Variants in DLGAP1 observed in about 807,000 individuals in gnomAD.
The protein encoded by DLGAP1 is disks large-associated protein 1.
In DLGAP1, 11 loss-of-function variants were observed where a neutral mutation model predicts 90.8. The ratio of observed to expected loss-of-function variants is 0.12; its 90% CI spans 0.08 to 0.20. The LOEUF (loss-of-function observed/expected upper bound fraction) is 0.20, where lower values mean the gene tolerates loss of function less well. Ranked by LOEUF, DLGAP1 falls within the 10% of genes least tolerant of loss-of-function variation. The pLI, the probability that DLGAP1 is intolerant of heterozygous loss-of-function variation, is 1.00. For synonymous variants in DLGAP1, 558 were observed against 540.7 expected (o/e 1.03, Z -0.44); for missense variants, 1,050 against 1,333.8 (o/e 0.79, Z 3.31).
chr18:3,524,974 CT>C (rs1353859123), intron 10 of DLGAP1, among the ~76,000 whole-genome samples: 1 of 151,780 alleles, frequency 6.6e-6, no homozygotes, highest in Non-Finnish European at 1.5e-5. Context: ...CACAACAGTG[CT>C]TTTTTTGTTT....
rs149471787 is a variant in DLGAP1 at position 4,375,414 on chromosome 18, A to T, written c.-267+79592T>A. Among the ~76,000 whole-genome samples the T allele has an allele frequency of 2.3e-3, 346 of 152,252 alleles. 1 individual carries two copies. The highest frequency in any genetic ancestry group is 8.1e-3 in the African/African-American group (338 of 41,580). On this transcript the variant is annotated intron_variant, in intron 1 of 12. Coordinates refer to ENST00000315677, the MANE Select transcript of DLGAP1 (RefSeq NM_004746.4). ...TTAGCATTCAATTATATATTAAGCA[A>T]CCAAACATATTCTGTCTTTTATTTG...
intron 1 of DLGAP1, among the ~76,000 whole-genome samples, chr18:4,344,588 C>T (rs2081268405): frequency 6.6e-6 from 1 of 152,148 alleles, no homozygotes; most frequent in South Asian, 2.1e-4. Context: ...GGCTACAAAG[C>T]TTTTAAAATA....
At chr18:4,157,048 T>A (rs974779991) in intron 1 of DLGAP1, among the ~76,000 whole-genome samples, 2 of 152,148 alleles carry the variant, frequency 1.3e-5, no homozygotes, top group African/African-American at 4.8e-5. Context: ...CTAGAAACCA[T>A]CTATGTTTAA....
chr18:3,625,760 A>G lies in DLGAP1; in HGVS notation c.1592-43512T>C, dbSNP rs532976876. 1.1e-4 allele frequency among the ~76,000 whole-genome samples: 16 copies of G among 152,314 alleles called. No homozygotes were observed. The East Asian group carries it at 3.1e-3, about 29-fold the overall frequency. On this transcript the variant is annotated intron_variant, in intron 7 of 12. Transcript: ENST00000315677. Reference sequence around the variant, plus strand: ...AAAAAAAAGGAAATCATAAATATCAATTTCATCTTAACACAATGCAACTAT... The same window carrying G: ...AAAAAAAAGGAAATCATAAATATCAGTTTCATCTTAACACAATGCAACTAT...
intron 7 of DLGAP1, among the ~76,000 whole-genome samples, chr18:3,629,588 C>A (rs1002386028): frequency 8.6e-5 from 13 of 152,028 alleles, no homozygotes; most frequent in Non-Finnish European, 1.5e-4. Context: ...AGGAGAATGG[C>A]GTGAACCCGG....
Position 3,937,469 on chromosome 18 carries a change from G to GC in DLGAP1, c.-72-57330dup, listed in dbSNP as rs1568309196. On this transcript the variant is annotated intron_variant, in intron 3 of 12. Transcript: ENST00000315677. ...CCATGAGAACAGTATGGGGGAACCT[G>GC]CCCCCATGATTCAATTATCTCCACG... is the stretch of plus-strand genomic sequence containing the variant. 2.6e-5 allele frequency among the ~76,000 whole-genome samples: 4 copies of GC among 152,196 alleles called. No homozygotes were observed. In the South Asian group the frequency reaches 8.3e-4, roughly 32 times the overall value.
At chr18:3,995,381 G>A (rs370940530) in intron 3 of DLGAP1, 2 of 152,218 alleles carry the variant, frequency 1.3e-5, no homozygotes, top group African/African-American at 4.8e-5. Flanking sequence ...GGCACTTGGG[G>A]TTAGTATTTA....
intron 1 of DLGAP1, among the ~76,000 whole-genome samples, chr18:4,176,783 G>A (rs1251406216): frequency 6.6e-6 from 1 of 152,204 alleles, no homozygotes; most frequent in African/African-American, 2.4e-5. Context: ...GGCCAAGACA[G>A]GACTTTGTGT....
chr18:4,041,486 A>G (rs1208136956), intron 2 of DLGAP1, among the ~76,000 whole-genome samples: 3 of 152,166 alleles, frequency 2.0e-5, no homozygotes, highest in Admixed American at 2.0e-4. Context: ...TTCATGTTTG[A>G]GCATCTTTCT....
intron 7 of DLGAP1, among the ~76,000 whole-genome samples, chr18:3,652,163 C>CAAAAAAAAA (rs756445206): frequency 3.2e-5 from 3 of 93,388 alleles, no homozygotes; most frequent in Admixed American, 1.3e-4. Context: ...GACTCTGTAT[C>CAAAAAAAAA]AAAAAAAAAA....
In DLGAP1 at chr18:3,880,154, G is replaced by C; in HGVS notation, c.-72-14C>G. 1 of 1,240,774 alleles carries C rather than the reference G, an allele frequency of 8.1e-7. No individual in the cohort carries two copies. The highest frequency in any genetic ancestry group is 1.1e-6 in the Non-Finnish European group (1 of 870,202). 76.9% of individuals were successfully genotyped at this position (1,240,774 alleles called of 1,614,324 possible). A position where few individuals can be genotyped will look rare whatever the true frequency, so the allele number is the denominator to read the frequency against. On this transcript the variant is annotated splice_polypyrimidine_tract_variant and intron_variant, in intron 3 of 12. Transcript: ENST00000315677. The stretch of plus-strand genomic sequence containing the variant: ...TTGGGCAGGGATCTGGGGGAATGAA[G>C]AAAAGGGCAAAGTCGTTAACATTTC...
intron 5 of DLGAP1, among the ~76,000 whole-genome samples, chr18:3,744,707 G>A (rs773558544): frequency 3.9e-5 from 6 of 152,114 alleles, no homozygotes; most frequent in East Asian, 1.9e-4. Context: ...CACCGCGGCC[G>A]GCTAATTTTT....
At chr18:3,673,814 G>T (rs1791385) in intron 7 of DLGAP1, among the ~76,000 whole-genome samples, 2 of 150,932 alleles carry the variant, frequency 1.3e-5, no homozygotes, top group South Asian at 4.2e-4. Context: ...CCAAAGTGCT[G>T]GGATTACAGG....
chr18:4,246,520 T>C (rs971016238), intron 1 of DLGAP1, among the ~76,000 whole-genome samples: 10 of 152,168 alleles, frequency 6.6e-5, no homozygotes, highest in Admixed American at 5.9e-4. Flanking sequence ...CAACCTCTCA[T>C]TGCAGTGAGG....
rs75453186 is a variant in DLGAP1 at position 3,717,345 on chromosome 18, G to A, written c.1591+11790C>T. Reference sequence around the variant, plus strand: ...CACTTAGTTATCACAGGTAAGAGAGGGAACAGGAAAGAAGGGTGGGTAGGA... The same window carrying A: ...CACTTAGTTATCACAGGTAAGAGAGAGAACAGGAAAGAAGGGTGGGTAGGA... On this transcript the variant is annotated intron_variant, in intron 7 of 12. Transcript: ENST00000315677. Among the ~76,000 whole-genome samples, 800 of 152,170 alleles carry A rather than the reference G, an allele frequency of 5.3e-3. 2 individuals are homozygous for A. Among genetic ancestry groups the A allele is most frequent in the Non-Finnish European group, 8.3e-3 (563 of 68,010 alleles).
At chr18:4,442,595 A>G (rs1258044801) in intron 1 of DLGAP1, among the ~76,000 whole-genome samples, 1 of 135,336 alleles carries the variant, frequency 7.4e-6, no homozygotes, top group Admixed American at 7.3e-5. Flanking sequence ...CTATTAAAAC[A>G]GAAAGGACAA....
At chr18:3,801,745 TAAAG>T (rs1311956908) in intron 5 of DLGAP1, among the ~76,000 whole-genome samples, 1 of 151,728 alleles carries the variant, frequency 6.6e-6, no homozygotes, top group Non-Finnish European at 1.5e-5. Context: ...GAAAAACAAA[TAAAG>T]AAGCCAAAAG....
At chr18:4,119,224 T>C (rs1383546221) in intron 2 of DLGAP1, among the ~76,000 whole-genome samples, 1 of 152,168 alleles carries the variant, frequency 6.6e-6, no homozygotes, top group African/African-American at 2.4e-5. Flanking sequence ...CCCCTGCAGC[T>C]GGGACTATAG....
At chr18:4,364,846 G>A (rs1377018771) in intron 1 of DLGAP1, among the ~76,000 whole-genome samples, 2 of 141,896 alleles carry the variant, frequency 1.4e-5, no homozygotes, top group African/African-American at 2.8e-5. Context: ...AGTGATTCTG[G>A]TATGTTGTAT....
Sources: gnomAD v4.1 joint callset for allele counts (sites outside exome capture counted in the v4.1 genomes callset) on GRCh38, gnomAD v4.1.1 for gene constraint, MANE v1.5 for transcripts, NCBI Gene and HGNC (gene_info 2026-07-23, HGNC 2026-07-21) for gene names.